CASK: variants seen among roughly 807,000 people sequenced by gnomAD.
CASK encodes the protein calcium/calmodulin dependent serine protein kinase, also known as peripheral plasma membrane protein CASK.
CASK carries 4 observed loss-of-function variants against 82.9 expected under a neutral mutation model. The observed-to-expected ratio is 0.05, with a 90% CI of 0.02 to 0.11. The LOEUF (loss-of-function observed/expected upper bound fraction) is 0.11, where lower values mean the gene tolerates loss of function less well. CASK is among the 10% of genes least tolerant of loss of function. CASK has a pLI of 1.00. For missense variants in CASK, 358 were observed against 720.9 expected (o/e 0.50, Z 5.76); for synonymous variants, 259 against 253.5 (o/e 1.02, Z -0.20).
chrX:41,887,454 G>A (rs1220446525), intron 1 of CASK, among the ~76,000 whole-genome samples: 1 of 110,093 alleles, frequency 9.1e-6, no homozygotes, highest in Non-Finnish European at 1.9e-5. Flanking sequence ...CAAGAAAAAG[G>A]CACTTAAATA....
intron 5 of CASK, chrX:41,683,207 A>G (rs1336444997): frequency 1.8e-5 from 2 of 111,270 alleles, no homozygotes; most frequent in Non-Finnish European, 3.8e-5. Context: ...GCTGGAGCGC[A>G]GTGGCTATTC....
At chrX:41,693,625 C>T (rs1418276590) in intron 5 of CASK, among the ~76,000 whole-genome samples, 1 of 111,445 alleles carries the variant, frequency 9.0e-6, no homozygotes, top group Non-Finnish European at 1.9e-5. Flanking sequence ...AAAAACAAAA[C>T]AAAACAAACA....
At chrX:41,649,041 T>A (rs1404013690) in intron 8 of CASK, among the ~76,000 whole-genome samples, 1 of 111,926 alleles carries the variant, frequency 8.9e-6, no homozygotes, top group Non-Finnish European at 1.9e-5. Context: ...TTTATTTGAG[T>A]AGAGGTGTTT....
At chrX:41,874,273 C>G (rs2071770104) in intron 1 of CASK, among the ~76,000 whole-genome samples, 1 of 111,557 alleles carries the variant, frequency 9.0e-6, no homozygotes, top group Non-Finnish European at 1.9e-5. Flanking sequence ...TTGCACCTAT[C>G]AACCCATCAC....
intron 1 of CASK, among the ~76,000 whole-genome samples, chrX:41,916,799 T>G (rs912525307): frequency 8.0e-5 from 9 of 111,966 alleles, no homozygotes; most frequent in Non-Finnish European, 1.9e-5. Flanking sequence ...GTTTGGCAAG[T>G]TAGGGGTAAT....
chrX:41,544,712 A>C (rs1254491231), intron 21 of CASK, among the ~76,000 whole-genome samples: 1 of 103,933 alleles, frequency 9.6e-6, no homozygotes, highest in African/African-American at 3.4e-5. Context: ...TACAAAAAAA[A>C]ACAAAAAACA....
intron 14 of CASK, among the ~76,000 whole-genome samples, chrX:41,578,919 T>C (rs2065523551): frequency 8.9e-6 from 1 of 112,337 alleles, no homozygotes; most frequent in Non-Finnish European, 1.9e-5. Flanking sequence ...ATAAATAGAT[T>C]TTTTAAAACG....
At chrX:41,818,723 G>T (rs2070466582) in intron 2 of CASK, among the ~76,000 whole-genome samples, 2 of 110,596 alleles carry the variant, frequency 1.8e-5, no homozygotes, top group African/African-American at 6.6e-5. Context: ...ACCCACACAG[G>T]TATGTACAAT....
intron 5 of CASK, among the ~76,000 whole-genome samples, chrX:41,700,478 C>A (rs1424251724): frequency 1.8e-5 from 2 of 110,136 alleles, no homozygotes; most frequent in Non-Finnish European, 3.8e-5. Context: ...AAGGATAACA[C>A]TGGGGAGCAG....
intron 8 of CASK, among the ~76,000 whole-genome samples, chrX:41,650,319 C>T (rs895967859): frequency 1.8e-5 from 2 of 109,649 alleles, no homozygotes; most frequent in East Asian, 2.8e-4. Flanking sequence ...TTATTTTGCT[C>T]GTTAGTTGAT....
At chrX:41,871,232 A>T (rs980237673) in intron 1 of CASK, among the ~76,000 whole-genome samples, 1 of 112,236 alleles carries the variant, frequency 8.9e-6, no homozygotes, top group Non-Finnish European at 1.9e-5. Context: ...TTCTTCAGGA[A>T]ATCTCCTTTA....
chrX:41,729,943 T>C (rs1274567817), intron 5 of CASK: 1 of 116,210 alleles, frequency 8.6e-6, no homozygotes, highest in Admixed American at 1.1e-4. Flanking sequence ...AGACAAATGA[T>C]GGTGACTATA....
At chrX:41,621,991 C>T (rs761562575) in intron 11 of CASK, among the ~76,000 whole-genome samples, 5 of 111,841 alleles carry the variant, frequency 4.5e-5, no homozygotes, top group Non-Finnish European at 7.5e-5. Context: ...TGATACAATC[C>T]ACCCATCTTA....
chrX:41,558,698 C>T (rs749378946), intron 18 of CASK: 1 of 111,047 alleles, frequency 9.0e-6, no homozygotes, highest in Non-Finnish European at 1.9e-5. Context: ...AAAAAGCCAC[C>T]AAGAGGAGCT....
At chrX:41,558,070 C>T (rs1306765693) in intron 18 of CASK, 1 of 110,877 alleles carries the variant, frequency 9.0e-6, no homozygotes, top group East Asian at 2.8e-4. Flanking sequence ...CCAGGTGCCA[C>T]CCGCAGAGAC....
At chrX:41,539,824 C>A (rs1373397601) in intron 22 of CASK, among the ~76,000 whole-genome samples, 3 of 111,559 alleles carry the variant, frequency 2.7e-5, no homozygotes, top group Non-Finnish European at 5.7e-5. Context: ...ACAGAAGAAA[C>A]CTGAAGAGAT....
chrX:41,909,712 C>T (rs1312327171), intron 1 of CASK, among the ~76,000 whole-genome samples: 1 of 110,448 alleles, frequency 9.1e-6, no homozygotes, highest in Non-Finnish European at 1.9e-5. Flanking sequence ...TCAAACTATT[C>T]TCCCGCCTCA....
intron 5 of CASK, among the ~76,000 whole-genome samples, chrX:41,681,289 T>C (rs771124426): frequency 6.3e-4 from 71 of 112,468 alleles, no homozygotes; most frequent in Non-Finnish European, 1.1e-3. Context: ...AAATCTATTA[T>C]AAAGAGTTAA....
chrX:41,839,769 CTA>C (rs1265464705), intron 2 of CASK, among the ~76,000 whole-genome samples: 5 of 111,783 alleles, frequency 4.5e-5, no homozygotes, highest in African/African-American at 1.6e-4. Context: ...AATGTAAGGT[CTA>C]TGTCTAAATT....
Sources: gnomAD v4.1 joint callset for allele counts (sites outside exome capture counted in the v4.1 genomes callset) on GRCh38, gnomAD v4.1.1 for gene constraint, MANE v1.5 for transcripts, NCBI Gene and HGNC (gene_info 2026-07-23, HGNC 2026-07-21) for gene names.